LRIG2: variants seen among roughly 807,000 people sequenced by gnomAD.
The protein encoded by LRIG2 is leucine-rich repeats and immunoglobulin-like domains protein 2.
In LRIG2, 93 loss-of-function variants were observed where a neutral mutation model predicts 107.8. The observed-to-expected ratio is 0.86, with a 90% CI of 0.73 to 1.03. LRIG2 has a LOEUF of 1.03. Ranked by LOEUF, LRIG2 falls within the 50% of genes least tolerant of loss-of-function variation. The pLI, the probability that LRIG2 is intolerant of heterozygous loss-of-function variation, is 0.00. For missense variants in LRIG2, 1,226 were observed against 1,296.0 expected, an observed-to-expected ratio of 0.95 and a Z score of 0.83; for synonymous variants, 471 against 470.6, an observed-to-expected ratio of 1.00 and a Z score of -0.01.
intron 13 of LRIG2, among the ~76,000 whole-genome samples, chr1:113,111,168 T>C (rs548973630): frequency 6.6e-6 from 1 of 152,304 alleles, no homozygotes; most frequent in African/African-American, 2.4e-5. Context: ...TTCGAGTAGC[T>C]GGAATTACAG....
rs1410381077 is a variant in LRIG2, at chr1:113,126,156, C to T, written c.*2055C>T. ...TTCCAAAAGCTACAAAAACATGCCA[C>T]TTTGCAACTATGGGTCAGTTATTTG... On this transcript the variant is annotated 3_prime_UTR_variant, in exon 18 of 18. Transcript: ENST00000361127. 1 of 152,182 alleles carries T rather than the reference C, an allele frequency of 6.6e-6. No individual in the cohort carries two copies. 9.4% of individuals were successfully genotyped at this position (152,182 alleles called of 1,614,324 possible).
chr1:113,103,539 A>C (rs1346656402), intron 11 of LRIG2: 1 of 152,282 alleles, frequency 6.6e-6, no homozygotes, highest in East Asian at 1.9e-4. Flanking sequence ...ATATCTATTG[A>C]GATGATCCTG....
Position 113,116,398 on chromosome 1 carries a change from T to C in LRIG2, c.2642T>C (p.Met881Thr), listed in dbSNP as rs776209534. ...NSEAGSHQQLMPPANGYIHKG... is the reference protein window; with the variant it reads ...NSEAGSHQQLTPPANGYIHKG... The stretch of plus-strand genomic sequence containing the variant: ...GAGGCAGGCAGTCATCAGCAACTTA[T>C]GCCTCCTGCCAATGGATATATACAC... Residue 881 changes from methionine (M) to threonine (T), a missense_variant, in exon 16 of 18, where the codon ATG becomes ACG. Coordinates refer to ENST00000361127, the MANE Select transcript of LRIG2 (RefSeq NM_014813.3). 6.2e-6 allele frequency: 10 copies of C among 1,613,618 alleles called. No individual in the cohort carries two copies. Among genetic ancestry groups the C allele is most frequent in the South Asian group, 1.1e-5 (1 of 90,942 alleles).
chr1:113,103,804 T>G (rs1046384714), intron 11 of LRIG2: 1 of 152,192 alleles, frequency 6.6e-6, no homozygotes, highest in African/African-American at 2.4e-5. Flanking sequence ...AGATTTCGAT[T>G]CTCAAGATTG....
intron 11 of LRIG2, 102 bp downstream of exon 11, chr1:113,100,590 A>C: frequency 1.6e-6 from 1 of 643,254 alleles, no homozygotes; most frequent in Non-Finnish European, 2.7e-6. Context: ...AAAAGCACAC[A>C]GTTCAGGCAG....
rs1242367925 is a variant in LRIG2 at position 113,094,738 on chromosome 1, G to A, written c.786G>A (p.Leu262=). 25 of 1,613,550 alleles carry A rather than the reference G, an allele frequency of 1.5e-5. No individual in the cohort carries two copies. Among genetic ancestry groups the A allele is most frequent in the Non-Finnish European group, 2.1e-5 (25 of 1,179,778 alleles). Residue 262 remains leucine (L), a synonymous_variant, in exon 6 of 18, where the codon TTG becomes TTA. Transcript: ENST00000361127. ...TTAAGGATGGAGCATTTTTTGGCTTGAATAACATGGAAGAACTGTAAGTAC... is the reference window on the plus strand; with the variant it reads ...TTAAGGATGGAGCATTTTTTGGCTTAAATAACATGGAAGAACTGTAAGTAC... ...SKLKDGAFFG[L]NNMEELELEH... is the part of the protein sequence containing the mutation.
chr1:113,073,428 G>C lies in LRIG2; in HGVS notation c.22G>C (p.Val8Leu). The C allele has an allele frequency of 1.2e-6, 2 of 1,614,040 alleles. No individual in the cohort carries two copies. The highest frequency in any genetic ancestry group is 1.7e-6 in the Non-Finnish European group (2 of 1,179,920). Residue 8 changes from valine (V) to leucine (L), a missense_variant, in exon 1 of 18, where the codon GTC (valine) becomes CTC (leucine). Coordinates refer to ENST00000361127, the MANE Select transcript of LRIG2 (RefSeq NM_014813.3). Reference sequence around the variant, plus strand: ...GAAAATGGCGCCGGCGCCCCTAGGCGTCCCGGAGGAGCAGTTGCTGGGGTG... The same window carrying C: ...GAAAATGGCGCCGGCGCCCCTAGGCCTCCCGGAGGAGCAGTTGCTGGGGTG... Reference protein sequence around the residue: MAPAPLGVPEEQLLGCRS... With the variant: MAPAPLGLPEEQLLGCRS...
chr1:113,096,550 C>T (rs1654076679), intron 8 of LRIG2, among the ~76,000 whole-genome samples, 185 bp downstream of exon 8: 1 of 152,160 alleles, frequency 6.6e-6, no homozygotes, highest in Admixed American at 6.5e-5. Context: ...CCAAGCCTGT[C>T]GTAGGCAATT....
At position 113,116,278 on chromosome 1, in the gene LRIG2, C is replaced by G. The variant is rs780062573; in HGVS notation, c.2531-9C>G. ...CTACCTTTGAGAGTTAAAAATGTCT[C>G]TTTTACAGAGGAGCTCAATCTGCCT... On this transcript the variant is annotated splice_polypyrimidine_tract_variant and intron_variant, in intron 15 of 17. Coordinates refer to ENST00000361127, the MANE Select transcript of LRIG2 (RefSeq NM_014813.3). 25 of 1,607,792 alleles carry G rather than the reference C, an allele frequency of 1.6e-5. No individual in the cohort carries two copies. The highest frequency in any genetic ancestry group is 5.1e-5 in the Admixed American group (3 of 59,072).
chr1:113,093,651 A>T (rs183519419), intron 4 of LRIG2, 87 bp downstream of exon 4: 3 of 733,676 alleles, frequency 4.1e-6, no homozygotes, highest in African/African-American at 3.6e-5. Flanking sequence ...CAGGGATAGC[A>T]CTGGGAGATA....
rs1299030398 is a variant in LRIG2, at chr1:113,107,590, G to A, written c.1314-4G>A. 2 of 1,602,896 alleles carry A rather than the reference G, an allele frequency of 1.2e-6. No individual in the cohort carries two copies. Among genetic ancestry groups the A allele is most frequent in the Admixed American group, 3.6e-5 (2 of 56,204 alleles). On this transcript the variant is annotated splice_polypyrimidine_tract_variant and splice_region_variant and intron_variant, in intron 11 of 17. Transcript: ENST00000361127. ...GGATGCTTTTCCTCTTTTCTTTCCT[G>A]CAGGATTCTGAACACAAGCAGTTTG...
intron 1 of LRIG2, among the ~76,000 whole-genome samples, chr1:113,076,605 C>A (rs1652993376): frequency 6.6e-6 from 1 of 152,136 alleles, no homozygotes; most frequent in South Asian, 2.1e-4. Flanking sequence ...ATGAAACATT[C>A]TTCAGCAGTT....
rs190184231 is a variant in LRIG2, at chr1:113,096,453, C to A, written c.1091+88C>A. 2.0e-5 allele frequency: 27 copies of A among 1,366,638 alleles called. No homozygotes were observed. The East Asian group carries it at 6.2e-4, about 31-fold the overall frequency. The allele number at this position is 1,366,638 out of a possible 1,614,324, so 84.7% of individuals were successfully genotyped here. A position where few individuals can be genotyped will look rare whatever the true frequency, so the allele number is the denominator to read the frequency against. On this transcript the variant is annotated intron_variant, in intron 8 of 17. Transcript: ENST00000361127. ...TTAATTAAAACAACTAATCAGTCTG[C>A]AAATTCTGTATGCTAACATTTTGTG...
At chr1:113,088,122 G>C (rs1352073115) in intron 1 of LRIG2, among the ~76,000 whole-genome samples, 1 of 152,170 alleles carries the variant, frequency 6.6e-6, no homozygotes, top group Non-Finnish European at 1.5e-5. Flanking sequence ...ATATATTTCA[G>C]TTCACCTTTA....
chr1:113,116,908 G>A (rs182572284), intron 16 of LRIG2, among the ~76,000 whole-genome samples: 13 of 152,272 alleles, frequency 8.5e-5, no homozygotes, highest in Admixed American at 5.9e-4. Context: ...CCAGGAGTTC[G>A]AGGCTGTATT....
intron 11 of LRIG2, 27 bp from the exon 12 acceptor site, chr1:113,107,567 A>G: frequency 6.3e-7 from 1 of 1,596,448 alleles, no homozygotes. Flanking sequence ...AAAACAAAGG[A>G]TGCTTTTCCT....
intron 1 of LRIG2, among the ~76,000 whole-genome samples, chr1:113,088,362 A>G (rs1238584735): frequency 1.3e-5 from 2 of 152,252 alleles, no homozygotes; most frequent in South Asian, 2.1e-4. Flanking sequence ...GACACTGGAC[A>G]GTTTTCACTA....
intron 1 of LRIG2, 52 bp downstream of exon 1, chr1:113,073,697 T>G: frequency 6.5e-7 from 1 of 1,529,910 alleles, no homozygotes; most frequent in Non-Finnish European, 8.9e-7. Flanking sequence ...GCCTTCCCTC[T>G]ACAGGGGGCA....
At chr1:113,089,639 G>A (rs1463613291) in intron 1 of LRIG2, among the ~76,000 whole-genome samples, 2 of 148,478 alleles carry the variant, frequency 1.3e-5, no homozygotes, top group African/African-American at 4.9e-5. Context: ...AACATAATTT[G>A]GGGTGAGATT....
Sources: allele counts gnomAD v4.1 joint callset (sites outside exome capture counted in the v4.1 genomes callset), GRCh38; gene constraint gnomAD v4.1.1; transcripts MANE v1.5; gene names NCBI Gene and HGNC (gene_info 2026-07-23, HGNC 2026-07-21).